NDE1: variants seen among roughly 807,000 people sequenced by gnomAD.
NDE1 encodes nudE neurodevelopment protein 1.
Under a neutral mutation model 43.4 loss-of-function variants are expected in NDE1, and 28 were observed. The observed-to-expected ratio is 0.65, with a 90% CI of 0.48 to 0.89. The LOEUF is 0.89. Ranked by LOEUF, NDE1 falls within the 40% of genes least tolerant of loss-of-function variation. The pLI is 0.00. For synonymous variants in NDE1, 184 were observed against 172.0 expected (o/e 1.07, Z -0.55); for missense variants, 441 against 434.1 (o/e 1.02, Z -0.14).
intron 1 of NDE1, among the ~76,000 whole-genome samples, chr16:15,655,866 A>G (rs1191468035): frequency 6.6e-6 from 1 of 151,416 alleles, no homozygotes; most frequent in Non-Finnish European, 1.5e-5. Flanking sequence ...ATTCTCAGTA[A>G]ACTATTGCAA....
intron 8 of NDE1, among the ~76,000 whole-genome samples, chr16:15,697,931 T>C (rs1040170092): frequency 2.0e-5 from 3 of 151,450 alleles, no homozygotes; most frequent in Non-Finnish European, 4.4e-5. Flanking sequence ...CTCAGCCTCC[T>C]GAGTAGCTGG....
chr16:15,705,558 T>A (rs1310228065), intron 8 of NDE1, among the ~76,000 whole-genome samples: 1 of 152,216 alleles, frequency 6.6e-6, no homozygotes, highest in Non-Finnish European at 1.5e-5. Flanking sequence ...TCTGGCCCTG[T>A]TTGACCTGAA....
intron 1 of NDE1, among the ~76,000 whole-genome samples, chr16:15,650,843 C>T (rs1474709198): frequency 6.6e-6 from 1 of 152,144 alleles, no homozygotes; most frequent in South Asian, 2.1e-4. Context: ...CACCCACTGT[C>T]CCGCCCCTGC....
chr16:15,666,265 C>G (rs373064399), intron 2 of NDE1, among the ~76,000 whole-genome samples: 2 of 152,048 alleles, frequency 1.3e-5, no homozygotes, highest in African/African-American at 4.8e-5. Flanking sequence ...TATAATGGGT[C>G]TTTATAATTT....
In NDE1 at chr16:15,715,423, C is replaced by T; in HGVS notation, c.948-8768C>T. 3 of 743,398 alleles carry T rather than the reference C, an allele frequency of 4.0e-6. No homozygotes were observed. In the South Asian group the frequency reaches 4.5e-5, roughly 11 times the overall value. 46.1% of individuals were successfully genotyped at this position (743,398 alleles called of 1,614,324 possible). ...AGTCAGATGGTGGAATAGTATTCAG[C>T]CATGAAAAGGAATAAAGTATCAATG... On this transcript the variant is annotated intron_variant, in intron 8 of 8. Coordinates refer to ENST00000396354, the MANE Select transcript of NDE1 (RefSeq NM_017668.3).
chr16:15,653,540 G>A (rs958200838), intron 1 of NDE1, among the ~76,000 whole-genome samples: 4 of 152,052 alleles, frequency 2.6e-5, no homozygotes, highest in African/African-American at 9.7e-5. Flanking sequence ...AGTAATTATC[G>A]ATGGTTTCTG....
intron 1 of NDE1, among the ~76,000 whole-genome samples, chr16:15,657,637 G>A (rs2036837531): frequency 6.6e-6 from 1 of 151,894 alleles, no homozygotes; most frequent in African/African-American, 2.4e-5. Context: ...TGTCGCCCAG[G>A]CTGGGAGGCT....
In NDE1 at chr16:15,725,971, A is replaced by C; in HGVS notation, c.*1720A>C. The C allele has an allele frequency of 9.2e-6, 3 of 325,274 alleles. No individual in the cohort carries two copies. The highest frequency in any genetic ancestry group is 2.2e-5 in the African/African-American group (1 of 46,432). The allele number at this position is 325,274 out of a possible 1,614,324, so 20.1% of individuals were successfully genotyped here. ...TCTGTACTATCTCCCCCTACCCCCAACCCCAGCTGGGCACTCCAGCTCTAC... is the reference window on the plus strand; with the variant it reads ...TCTGTACTATCTCCCCCTACCCCCACCCCCAGCTGGGCACTCCAGCTCTAC... On this transcript the variant is annotated 3_prime_UTR_variant, in exon 9 of 9. Transcript: ENST00000396354.
intron 8 of NDE1, among the ~76,000 whole-genome samples, chr16:15,706,837 C>T (rs1024566094): frequency 2.0e-5 from 3 of 152,186 alleles, no homozygotes; most frequent in Admixed American, 6.5e-5. Context: ...GATAAATTTG[C>T]TCCCTTGACC....
At chr16:15,715,327 C>T (rs1222814422) in intron 8 of NDE1, 5 of 1,567,306 alleles carry the variant, frequency 3.2e-6, no homozygotes, top group East Asian at 4.5e-5. Context: ...CCCCTTGTAG[C>T]TGGTGTGTCA....
Position 15,724,644 on chromosome 16 carries a change from C to T in NDE1, c.*393C>T, listed in dbSNP as rs113723872. 1 of 1,613,826 alleles carries T rather than the reference C, an allele frequency of 6.2e-7. No individual in the cohort carries two copies. Among genetic ancestry groups the T allele is most frequent in the Non-Finnish European group, 8.5e-7 (1 of 1,180,030 alleles). ...GAAGGAAGCAAGGACACGGGGCAGG[C>T]ACCTGGATGTTGAGAGTGGAGATGT... is the stretch of plus-strand genomic sequence containing the variant. On this transcript the variant is annotated 3_prime_UTR_variant, in exon 9 of 9. Coordinates refer to ENST00000396354, the MANE Select transcript of NDE1 (RefSeq NM_017668.3).
intron 8 of NDE1, chr16:15,718,952 A>C (rs1168887203): frequency 2.1e-6 from 1 of 473,046 alleles, no homozygotes; most frequent in East Asian, 4.3e-5. Flanking sequence ...ACATGGTGAA[A>C]CCCCACCTCT....
In NDE1 at chr16:15,720,893, A is replaced by T; in HGVS notation, c.948-3298A>T. On this transcript the variant is annotated intron_variant, in intron 8 of 8. Coordinates refer to ENST00000396354, the MANE Select transcript of NDE1 (RefSeq NM_017668.3). ...CATTCTGCTCGTCCCGGGCTTGGAG[A>T]TCCCTTTCGAACTGGCCCTTGAGCG... 6.2e-7 allele frequency: 1 copy of T among 1,613,726 alleles called. No individual in the cohort carries two copies. Among genetic ancestry groups the T allele is most frequent in the Non-Finnish European group, 8.5e-7 (1 of 1,179,948 alleles).
At chr16:15,693,002 TC>T (rs2038828132) in intron 6 of NDE1, among the ~76,000 whole-genome samples, 1 of 147,846 alleles carries the variant, frequency 6.8e-6, no homozygotes, top group Non-Finnish European at 1.5e-5. Context: ...TTTCTTTCTC[TC>T]TTTTTTTTTT....
At chr16:15,670,581 C>T (rs760569268) in intron 3 of NDE1, among the ~76,000 whole-genome samples, 113 of 151,168 alleles carry the variant, frequency 7.5e-4, no homozygotes, top group Non-Finnish European at 1.5e-3. Flanking sequence ...CACTTGAACC[C>T]GGGAGGCGGA....
intron 8 of NDE1, among the ~76,000 whole-genome samples, chr16:15,716,742 G>C (rs150616782): frequency 0.026 from 3,970 of 152,214 alleles, 178 homozygotes; most frequent in African/African-American, 0.091. Flanking sequence ...TCAAACTCCT[G>C]ACCTCAAGTG....
intron 1 of NDE1, among the ~76,000 whole-genome samples, chr16:15,655,441 G>A (rs1596544093): frequency 6.6e-6 from 1 of 152,136 alleles, no homozygotes; most frequent in Non-Finnish European, 1.5e-5. Flanking sequence ...CATCGTGCCC[G>A]GCCTCTCTCT....
At chr16:15,651,430 GTTTTTTTT>G (rs372353667) in intron 1 of NDE1, 1 of 126,316 alleles carries the variant, frequency 7.9e-6, no homozygotes, top group South Asian at 2.5e-4. Context: ...TATACAACCC[GTTTTTTTT>G]TTTTTTTTTT....
rs2242549 is a variant in NDE1, at chr16:15,704,353, G to T, written c.947+7493G>T. Among the ~76,000 whole-genome samples, 81,919 of 151,856 alleles carry T rather than the reference G, an allele frequency of 0.54. 22,806 individuals are homozygous for T. The highest frequency in any genetic ancestry group is 0.66 in the Middle Eastern group (194 of 294). On this transcript the variant is annotated intron_variant, in intron 8 of 8. Transcript: ENST00000396354. ...TGAATTTAATCAGCTGAAATTGGTT[G>T]CGGGGGTGGGTGGAGAAGGTTTTTC...
Sources: allele counts gnomAD v4.1 joint callset (sites outside exome capture counted in the v4.1 genomes callset), GRCh38; gene constraint gnomAD v4.1.1; transcripts MANE v1.5; gene names NCBI Gene and HGNC (gene_info 2026-07-23, HGNC 2026-07-21).